Variants in ATP9A observed in about 807,000 individuals in gnomAD.
ATP9A encodes ATPase phospholipid transporting 9A.
ATP9A carries 52 observed loss-of-function variants against 144.1 expected under a neutral mutation model. The observed-to-expected ratio is 0.36, with a 90% CI of 0.29 to 0.45. ATP9A has a LOEUF of 0.45. Ranked by LOEUF, ATP9A falls within the 20% of genes least tolerant of loss-of-function variation. The pLI, the probability that ATP9A is intolerant of heterozygous loss-of-function variation, is 1.00. For synonymous variants in ATP9A, 582 were observed against 557.4 expected, an observed-to-expected ratio of 1.04 and a Z score of -0.62; for missense variants, 947 against 1,392.7, an observed-to-expected ratio of 0.68 and a Z score of 5.09.
chr20:51,665,938 C>T (rs767717172), intron 13 of ATP9A, among the ~76,000 whole-genome samples: 6 of 152,076 alleles, frequency 3.9e-5, no homozygotes, highest in Non-Finnish European at 7.4e-5. Context: ...ATCCTTAGAA[C>T]AAGTCACCTG....
chr20:51,713,109 G>C (rs775489793), intron 3 of ATP9A, 35 bp from the exon 4 acceptor site: 3 of 1,572,056 alleles, frequency 1.9e-6, no homozygotes, highest in Admixed American at 1.8e-5. Flanking sequence ...CTTGCTACAG[G>C]CAGTGAGCCC....
chr20:51,687,680 C>T (rs570864971), intron 9 of ATP9A, among the ~76,000 whole-genome samples: 2 of 151,978 alleles, frequency 1.3e-5, no homozygotes, highest in Admixed American at 1.3e-4. Context: ...AGGAGGACTG[C>T]TTGAGCCCAG....
chr20:51,746,967 T>C (rs935111431), intron 1 of ATP9A, among the ~76,000 whole-genome samples: 60 of 145,040 alleles, frequency 4.1e-4, no homozygotes, highest in Non-Finnish European at 6.8e-4. Context: ...GGTAGTGCCA[T>C]TGCACTCCAG....
At chr20:51,687,722 C>A in intron 9 of ATP9A, among the ~76,000 whole-genome samples, 1 of 151,502 alleles carries the variant, frequency 6.6e-6, no homozygotes, top group Non-Finnish European at 1.5e-5. Flanking sequence ...CATGATTGCA[C>A]CCCTGCACTC....
chr20:51,766,581 C>A (rs2077904832), intron 1 of ATP9A, among the ~76,000 whole-genome samples: 1 of 152,122 alleles, frequency 6.6e-6, no homozygotes, highest in Non-Finnish European at 1.5e-5. Context: ...GTGACTCACG[C>A]CTGTAATCCC....
Position 51,628,974 on chromosome 20 carries a change from A to G in ATP9A, c.1761+6T>C, listed in dbSNP as rs752232327. 1 of 1,611,826 alleles carries G rather than the reference A, an allele frequency of 6.2e-7. No homozygotes were observed. On this transcript the variant is annotated splice_donor_region_variant and intron_variant, in intron 16 of 27. Coordinates refer to ENST00000338821, the MANE Select transcript of ATP9A (RefSeq NM_006045.3). ...GGCCTGGTTTAACTTCCTGCATCACACTTACCTCTTCCTCCAACCAGTCAT... is the reference window on the plus strand; with the variant it reads ...GGCCTGGTTTAACTTCCTGCATCACGCTTACCTCTTCCTCCAACCAGTCAT...
chr20:51,618,867 T>C, intron 20 of ATP9A, 61 bp from the exon 21 acceptor site: 1 of 1,581,286 alleles, frequency 6.3e-7, no homozygotes, highest in Non-Finnish European at 8.6e-7. Context: ...TTGGTGGAGG[T>C]CGCTGCCGAG....
chr20:51,599,598 TAA>T lies in ATP9A; in HGVS notation c.*1611_*1612del, dbSNP rs1343469120. ...AGCCAATTAACCAGTACCTGCAACGTAAAGTCATTCTAGAACATTTTAAAAGG... is the reference window on the plus strand; with the variant it reads ...AGCCAATTAACCAGTACCTGCAACGTAGTCATTCTAGAACATTTTAAAAGG... On this transcript the variant is annotated 3_prime_UTR_variant, in exon 28 of 28. Coordinates refer to ENST00000338821, the MANE Select transcript of ATP9A (RefSeq NM_006045.3). The T allele has an allele frequency of 3.3e-5, 5 of 152,296 alleles. No individual in the cohort carries two copies. The East Asian group carries it at 7.7e-4, about 23-fold the overall frequency. The allele number at this position is 152,296 out of a possible 1,614,324, so 9.4% of individuals were successfully genotyped here. A position where few individuals can be genotyped will look rare whatever the true frequency, so the allele number is the denominator to read the frequency against.
chr20:51,637,453 T>A (rs2077297188), intron 15 of ATP9A, among the ~76,000 whole-genome samples: 1 of 152,024 alleles, frequency 6.6e-6, no homozygotes, highest in Non-Finnish European at 1.5e-5. Context: ...GCCCCTGTTC[T>A]AACCCACAGG....
At chr20:51,747,103 T>G (rs1378414564) in intron 1 of ATP9A, among the ~76,000 whole-genome samples, 1 of 150,756 alleles carries the variant, frequency 6.6e-6, no homozygotes, top group South Asian at 2.1e-4. Context: ...TTTTCGTTTT[T>G]TTTTTTTTTT....
chr20:51,616,444 G>A (rs1293243164), intron 22 of ATP9A, among the ~76,000 whole-genome samples: 1 of 152,022 alleles, frequency 6.6e-6, no homozygotes, highest in Non-Finnish European at 1.5e-5. Context: ...TCAGCCTCCT[G>A]AGTAGCTGGG....
chr20:51,604,985 C>CA lies in ATP9A; in HGVS notation c.2838dup (p.Glu947Ter). The CA allele has an allele frequency of 6.2e-7, 1 of 1,612,590 alleles. No individual in the cohort carries two copies. Among genetic ancestry groups the CA allele is most frequent in the Non-Finnish European group, 8.5e-7 (1 of 1,179,358 alleles). The stretch of plus-strand genomic sequence containing the variant: ...GCCACGATGTGCACGAACTCCGACT[C>CA]AAACAGCAGCAGCGCCCCGTACATG... On this transcript the variant is annotated frameshift_variant, in exon 27 of 28. Transcript: ENST00000338821. LOFTEE classifies it high-confidence loss of function.
In ATP9A at chr20:51,611,367, G is replaced by C. The variant is rs572225224; in HGVS notation, c.2572-1202C>G. 1.4e-4 allele frequency among the ~76,000 whole-genome samples: 22 copies of C among 152,310 alleles called. No individual in the cohort carries two copies. The highest frequency in any genetic ancestry group is 5.1e-4 in the African/African-American group (21 of 41,570). ...CCCAGGCTGTGCCGCTGCTTAGGAA[G>C]GATGGTTGTAAAAATGTCAAGAATC... On this transcript the variant is annotated intron_variant, in intron 23 of 27. Coordinates refer to ENST00000338821, the MANE Select transcript of ATP9A (RefSeq NM_006045.3). This position sits in a 1 kb window ranked among gnomAD's most constrained non-coding sequence, Gnocchi z 4.2.
At chr20:51,754,680 G>A (rs1476197162) in intron 1 of ATP9A, among the ~76,000 whole-genome samples, 1 of 151,992 alleles carries the variant, frequency 6.6e-6, no homozygotes, top group Non-Finnish European at 1.5e-5. Flanking sequence ...ACTGGGCATG[G>A]TGGTGCATGC....
At position 51,625,350 on chromosome 20, in the gene ATP9A, G is replaced by A. The variant is rs1468130940; in HGVS notation, c.1858C>T (p.Gln620Ter). The A allele has an allele frequency of 2.5e-6, 4 of 1,613,624 alleles. No individual in the cohort carries two copies. The change falls in exon 18 of 28, where the codon CAG becomes TAG. Residue 620 changes from glutamine to a stop codon, truncating the protein, a stop_gained. Coordinates refer to ENST00000338821, the MANE Select transcript of ATP9A (RefSeq NM_006045.3). LOFTEE classifies it high-confidence loss of function. ...QYQDFEARYV[Q>*]AKLSVHDRSL... ...CGGTCGTGCACACTCAGCTTGGCCT[G>A]GACGTAGCGGGCCTGGGACACACCA...
At chr20:51,680,932 T>A (rs757710289) in intron 9 of ATP9A, among the ~76,000 whole-genome samples, 2 of 151,986 alleles carry the variant, frequency 1.3e-5, no homozygotes, top group Non-Finnish European at 2.9e-5. Flanking sequence ...ACTGCTGTGC[T>A]CTCCCTCCCC....
At chr20:51,650,544 AT>A (rs1255264954) in intron 14 of ATP9A, among the ~76,000 whole-genome samples, 1 of 151,852 alleles carries the variant, frequency 6.6e-6, no homozygotes, top group East Asian at 1.9e-4. Flanking sequence ...AAAAAAAAAA[AT>A]AAAAAATAAA....
intron 15 of ATP9A, among the ~76,000 whole-genome samples, chr20:51,629,445 G>T (rs2077262230): frequency 6.6e-6 from 1 of 152,168 alleles, no homozygotes; most frequent in Non-Finnish European, 1.5e-5. Flanking sequence ...ATAAGGACTA[G>T]AACAGGGAGT....
At chr20:51,628,778 G>C (rs2077259799) in intron 16 of ATP9A, among the ~76,000 whole-genome samples, 3 of 152,190 alleles carry the variant, frequency 2.0e-5, no homozygotes. Flanking sequence ...CTGAAGCAGA[G>C]GATGCAGTTC....
Sources: allele counts gnomAD v4.1 joint callset (sites outside exome capture counted in the v4.1 genomes callset), GRCh38; gene constraint gnomAD v4.1.1; non-coding constraint Gnocchi (gnomAD v3.1); transcripts MANE v1.5; gene names NCBI Gene and HGNC (gene_info 2026-07-23, HGNC 2026-07-21).